The following STAC2 variants were observed in gnomAD, a reference collection of about 807,000 sequenced individuals.
The protein encoded by STAC2 is SH3 and cysteine rich domain 2.
In STAC2, 36 loss-of-function variants were observed where a neutral mutation model predicts 49.0. The observed-to-expected ratio is 0.74, with a 90% confidence interval of 0.56 to 0.97. STAC2 has a LOEUF of 0.97. Ranked by LOEUF, STAC2 falls within the 50% of genes least tolerant of loss-of-function variation. The probability of loss-of-function intolerance (pLI) is 0.00; values close to 1 mark genes in which losing one functional copy is unlikely to be tolerated. For synonymous variants in STAC2, 239 were observed against 214.7 expected (o/e 1.11, Z -0.99); for missense variants, 527 against 543.8 (o/e 0.97, Z 0.31).
In STAC2 at chr17:39,210,634, C is replaced by T. The variant is rs534294343; in HGVS notation, c.*1658G>A. On this transcript the variant is annotated 3_prime_UTR_variant, in exon 11 of 11. Transcript: ENST00000333461. ...TGTACAGTGGGCATTGGGCCCGCCC[C>T]TGGGATATTGCTGGGGGGGGGGGCC... is the stretch of plus-strand genomic sequence containing the variant. The T allele has an allele frequency of 1.4e-5, 2 of 147,054 alleles. No individual in the cohort carries two copies. Among genetic ancestry groups the T allele is most frequent in the African/African-American group, 5.0e-5 (2 of 40,074 alleles). 9.1% of individuals were successfully genotyped at this position (147,054 alleles called of 1,614,324 possible).
rs1183527520 is a variant in STAC2, at chr17:39,211,333, G to C, written c.*959C>G. 1 of 150,364 alleles carries C rather than the reference G, an allele frequency of 6.7e-6. No homozygotes were observed. The highest frequency in any genetic ancestry group is 1.5e-5 in the Non-Finnish European group (1 of 67,984). 9.3% of individuals were successfully genotyped at this position (150,364 alleles called of 1,614,324 possible). A position where few individuals can be genotyped will look rare whatever the true frequency, so the allele number is the denominator to read the frequency against. ...GGAGTCTCGCTCTGTTGCCCAGGCTGGGGTGCAATGGTGCAATCTCGGCTC... is the reference window on the plus strand; with the variant it reads ...GGAGTCTCGCTCTGTTGCCCAGGCTCGGGTGCAATGGTGCAATCTCGGCTC... On this transcript the variant is annotated 3_prime_UTR_variant, in exon 11 of 11. Coordinates refer to ENST00000333461, the MANE Select transcript of STAC2 (RefSeq NM_198993.5).
At position 39,225,332 on chromosome 17, in the gene STAC2, G is replaced by A. The variant is rs1337472033; in HGVS notation, c.90+81C>T. On this transcript the variant is annotated intron_variant, in intron 1 of 10. Coordinates refer to ENST00000333461, the MANE Select transcript of STAC2 (RefSeq NM_198993.5). The surrounding 1 kb of genome is among the most constrained non-coding windows in gnomAD (Gnocchi z 8.2). The stretch of plus-strand genomic sequence containing the variant: ...GGCCTCGCGACCGCGACCCTAGGAC[G>A]CCCGGGCCCACAGGAGGACCCCGCC... 4 of 1,230,784 alleles carry A rather than the reference G, an allele frequency of 3.2e-6. No individual in the cohort carries two copies. The highest frequency in any genetic ancestry group is 4.4e-6 in the Non-Finnish European group (4 of 908,226). The allele number at this position is 1,230,784 out of a possible 1,614,324, so 76.2% of individuals were successfully genotyped here.
chr17:39,219,532 G>T (rs548697374), intron 1 of STAC2, among the ~76,000 whole-genome samples: 5 of 152,316 alleles, frequency 3.3e-5, no homozygotes, highest in African/African-American at 1.2e-4. Flanking sequence ...GAGATTGTGA[G>T]CCCCTTGGGG....
chr17:39,216,264 G>A (rs2046401108), intron 4 of STAC2, among the ~76,000 whole-genome samples: 1 of 151,924 alleles, frequency 6.6e-6, no homozygotes, highest in Non-Finnish European at 1.5e-5. Context: ...TTACAGGTAT[G>A]AGCCACCACA....
At chr17:39,218,381 G>C (rs2046430133) in intron 1 of STAC2, among the ~76,000 whole-genome samples, 1 of 152,174 alleles carries the variant, frequency 6.6e-6, no homozygotes, top group Non-Finnish European at 1.5e-5. Flanking sequence ...CAAAAGCCAG[G>C]TGGTTGACCT....
chr17:39,222,180 G>T (rs1264232268), intron 1 of STAC2, among the ~76,000 whole-genome samples: 1 of 152,114 alleles, frequency 6.6e-6, no homozygotes, highest in Non-Finnish European at 1.5e-5. Flanking sequence ...CCAGGCCCTT[G>T]TTTCCATAGT....
chr17:39,220,364 C>T (rs575697873), intron 1 of STAC2, among the ~76,000 whole-genome samples: 2 of 152,272 alleles, frequency 1.3e-5, no homozygotes, highest in South Asian at 4.1e-4. Context: ...CACACAGGGT[C>T]GCCGGAGGAT....
intron 2 of STAC2, among the ~76,000 whole-genome samples, chr17:39,217,610 C>T (rs966163672): frequency 1.3e-5 from 2 of 152,106 alleles, no homozygotes; most frequent in Non-Finnish European, 2.9e-5. Context: ...GCAGTCCCAG[C>T]TACTACAGAG....
At chr17:39,217,454 T>C (rs1420823479) in intron 2 of STAC2, among the ~76,000 whole-genome samples, 1 of 152,096 alleles carries the variant, frequency 6.6e-6, no homozygotes, top group East Asian at 1.9e-4. Context: ...GTGGGTGCAA[T>C]GGCTCACATC....
At chr17:39,220,802 A>G (rs2144256260) in intron 1 of STAC2, among the ~76,000 whole-genome samples, 1 of 141,440 alleles carries the variant, frequency 7.1e-6, no homozygotes, top group African/African-American at 2.7e-5. Flanking sequence ...TTACTTATTT[A>G]TTTATTTATT....
chr17:39,221,773 A>C (rs888337789), intron 1 of STAC2, among the ~76,000 whole-genome samples: 1 of 149,764 alleles, frequency 6.7e-6, no homozygotes, highest in Non-Finnish European at 1.5e-5. Flanking sequence ...CTCGCCTCTC[A>C]GCTGGGCCCT....
At chr17:39,221,984 T>C (rs573923046) in intron 1 of STAC2, among the ~76,000 whole-genome samples, 2 of 152,304 alleles carry the variant, frequency 1.3e-5, no homozygotes, top group South Asian at 2.1e-4. Flanking sequence ...CTTGGGACAG[T>C]CATTCCATCT....
chr17:39,214,882 G>A, intron 6 of STAC2, 21 bp from the exon 7 acceptor site: 2 of 1,614,040 alleles, frequency 1.2e-6, no homozygotes, highest in Non-Finnish European at 1.7e-6. Flanking sequence ...GAGAGGGAAA[G>A]GGTGAGAGGC....
In STAC2 at chr17:39,220,820, G is replaced by A. The variant is rs569416050; in HGVS notation, c.91-2647C>T. On this transcript the variant is annotated intron_variant, in intron 1 of 10. Coordinates refer to ENST00000333461, the MANE Select transcript of STAC2 (RefSeq NM_198993.5). The stretch of plus-strand genomic sequence containing the variant: ...CTTATTTATTTATTTATTTTGAGAC[G>A]GAGTTTCACTCTGTCGCCCAGGCTG... Among the ~76,000 whole-genome samples the A allele has an allele frequency of 1.1e-4, 16 of 150,760 alleles. No homozygotes were observed. The South Asian group carries it at 2.9e-3, about 28-fold the overall frequency.
At chr17:39,212,584 C>T (rs3025222) in intron 10 of STAC2, among the ~76,000 whole-genome samples, 188 bp from the exon 11 acceptor site, 6 of 152,128 alleles carry the variant, frequency 3.9e-5, no homozygotes, top group African/African-American at 7.2e-5. Context: ...AAGACCAGCA[C>T]GTCAGCAGAC....
In STAC2 at chr17:39,213,547, C is replaced by T. The variant is rs765120213; in HGVS notation, c.953G>A (p.Arg318Gln). The T allele has an allele frequency of 5.3e-5, 85 of 1,613,738 alleles. No homozygotes were observed. Among genetic ancestry groups the T allele is most frequent in the Admixed American group, 1.0e-4 (6 of 59,996 alleles). The change falls in exon 9 of 11, where the codon CGG becomes CAG. Residue 318 changes from arginine (R) to glutamine (Q), a missense_variant. Physicochemically the swap from Arg to Gln is conservative, Grantham distance 43. Transcript: ENST00000333461. ...NNDLALQPGD[R>Q]IMLVDDSNED... ...GTTAGAGTCATCCACCAGCATGATCCGATCTCCAGGCCTGGGGAGGACAGA... is the reference window on the plus strand; with the variant it reads ...GTTAGAGTCATCCACCAGCATGATCTGATCTCCAGGCCTGGGGAGGACAGA...
At position 39,215,208 on chromosome 17, in the gene STAC2, A is replaced by G; in HGVS notation, c.609T>C (p.Pro203=). The change falls in exon 5 of 11, where the codon CCT becomes CCC. Residue 203 remains proline, a synonymous_variant. Transcript: ENST00000333461. ...TGCCATAGCGCAGGGTCTCGTAGAC[A>G]GGGTCCACCTTCCCACTGTCCCCTG... ...PPTGDSGKVD[P]VYETLRYGTS... 1 of 1,614,018 alleles carries G rather than the reference A, an allele frequency of 6.2e-7. No individual in the cohort carries two copies. Among genetic ancestry groups the G allele is most frequent in the Non-Finnish European group, 8.5e-7 (1 of 1,179,996 alleles).
At chr17:39,214,714 C>A (rs1045542431) in intron 7 of STAC2, 77 bp downstream of exon 7, 22 of 1,518,114 alleles carry the variant, frequency 1.4e-5, no homozygotes, top group East Asian at 4.6e-5. Flanking sequence ...CTCTTGCCCC[C>A]CTATGAATCA....
chr17:39,225,901 C>G lies in STAC2; in HGVS notation c.-399G>C, dbSNP rs1467164635. 2 of 228,384 alleles carry G rather than the reference C, an allele frequency of 8.8e-6. No individual in the cohort carries two copies. The highest frequency in any genetic ancestry group is 1.7e-5 in the Non-Finnish European group (2 of 115,490). 14.1% of individuals were successfully genotyped at this position (228,384 alleles called of 1,614,324 possible). On this transcript the variant is annotated 5_prime_UTR_variant, in exon 1 of 11. Coordinates refer to ENST00000333461, the MANE Select transcript of STAC2 (RefSeq NM_198993.5). This position sits in a 1 kb window ranked among gnomAD's most constrained non-coding sequence, Gnocchi z 8.2. ...CTCCCCTCCCCCGCCGGCCCCAGCC[C>G]GGCACCCGGCGGCCCCTCCGCCCAG...
Sources: allele counts gnomAD v4.1 joint callset (sites outside exome capture counted in the v4.1 genomes callset), GRCh38; gene constraint gnomAD v4.1.1; non-coding constraint Gnocchi (gnomAD v3.1); transcripts MANE v1.5; gene names NCBI Gene and HGNC (gene_info 2026-07-23, HGNC 2026-07-21).